Variants in DOCK3 observed in about 807,000 individuals in gnomAD.
DOCK3 encodes the protein dedicator of cytokinesis protein 3.
DOCK3 carries 60 observed loss-of-function variants against 265.6 expected under a neutral mutation model. That is an observed-to-expected ratio of 0.23 (90% CI 0.18 to 0.28). The LOEUF (loss-of-function observed/expected upper bound fraction) is 0.28, where lower values mean the gene tolerates loss of function less well. Ranked by LOEUF, DOCK3 falls within the 10% of genes least tolerant of loss-of-function variation. The pLI is 1.00. For missense variants in DOCK3, 1,981 were observed against 2,594.3 expected (o/e 0.76, Z 5.14); for synonymous variants, 881 against 938.0 (o/e 0.94, Z 1.11).
chr3:50,904,338 G>A (rs1052841336), intron 4 of DOCK3, among the ~76,000 whole-genome samples: 2 of 152,202 alleles, frequency 1.3e-5, no homozygotes, highest in East Asian at 1.9e-4. Flanking sequence ...GAATCGCTAC[G>A]CTGTCTTCCA....
intron 2 of DOCK3, among the ~76,000 whole-genome samples, chr3:50,797,029 C>T (rs1330364789): frequency 6.6e-6 from 1 of 152,052 alleles, no homozygotes; most frequent in African/African-American, 2.4e-5. Flanking sequence ...AATTGGAGTG[C>T]ATTTTGTAGT....
At chr3:50,938,704 G>A (rs1343250429) in intron 5 of DOCK3, among the ~76,000 whole-genome samples, 1 of 151,852 alleles carries the variant, frequency 6.6e-6, no homozygotes, top group Non-Finnish European at 1.5e-5. Flanking sequence ...ATATCAAAAT[G>A]AATTTAAATG....
At chr3:50,969,800 A>G (rs1332543701) in intron 5 of DOCK3, among the ~76,000 whole-genome samples, 1 of 152,186 alleles carries the variant, frequency 6.6e-6, no homozygotes, top group African/African-American at 2.4e-5. Context: ...AGCCGGGCAC[A>G]GTGGCTTACA....
At chr3:50,822,680 A>G (rs1055481632) in intron 2 of DOCK3, among the ~76,000 whole-genome samples, 4 of 151,448 alleles carry the variant, frequency 2.6e-5, no homozygotes, top group South Asian at 4.2e-4. Context: ...AATTTTTTTC[A>G]TAGAGTCTTG....
At chr3:51,144,911 C>T (rs2085228819) in intron 9 of DOCK3, among the ~76,000 whole-genome samples, 2 of 152,128 alleles carry the variant, frequency 1.3e-5, no homozygotes, top group Admixed American at 6.5e-5. Flanking sequence ...TTGTCTTCAC[C>T]ATGGCACAGT....
At chr3:51,312,183 C>G in intron 29 of DOCK3, 104 bp downstream of exon 29, 1 of 1,058,518 alleles carries the variant, frequency 9.4e-7, no homozygotes, top group Admixed American at 2.1e-5. Flanking sequence ...TAGTATCAAA[C>G]AGCTTCCAAG....
chr3:51,043,175 T>C (rs1433510321), intron 5 of DOCK3, among the ~76,000 whole-genome samples: 2 of 152,152 alleles, frequency 1.3e-5, no homozygotes, highest in African/African-American at 4.8e-5. Flanking sequence ...TCACACTACC[T>C]GACTCCAAAC....
intron 5 of DOCK3, among the ~76,000 whole-genome samples, chr3:51,039,475 C>T (rs534569174): frequency 2.0e-4 from 31 of 152,242 alleles, no homozygotes; most frequent in African/African-American, 6.7e-4. Flanking sequence ...TACCAAATCA[C>T]TCTCCAAATT....
intron 26 of DOCK3, among the ~76,000 whole-genome samples, chr3:51,278,872 G>A (rs2080964514): frequency 6.6e-6 from 1 of 152,088 alleles, no homozygotes; most frequent in Non-Finnish European, 1.5e-5. Flanking sequence ...TGACCCTCAT[G>A]ACGAATTACC....
At position 51,378,608 on chromosome 3, in the gene DOCK3, T is replaced by G. The variant is rs1396979839; in HGVS notation, c.5501-1517T>G. Reference sequence around the variant, plus strand: ...AGCCCAAAGGGGAGAGTTGCCTGGCTCCAACAGAGAAAGGACATATTTCTT... The same window carrying G: ...AGCCCAAAGGGGAGAGTTGCCTGGCGCCAACAGAGAAAGGACATATTTCTT... On this transcript the variant is annotated intron_variant, in intron 51 of 52. Transcript: ENST00000266037. Among the ~76,000 whole-genome samples, 3 of 152,198 alleles carry G rather than the reference T, an allele frequency of 2.0e-5. No homozygotes were observed. The East Asian group carries it at 5.8e-4, about 29-fold the overall frequency.
rs2079202677 is a variant in DOCK3 at position 51,251,160 on chromosome 3, G to T, written c.2184+4353G>T. ...TTGCGATAGTTTGCTCAGAATGATGGATTCCAGCTTCATCCATATCCCTAC... is the reference window on the plus strand; with the variant it reads ...TTGCGATAGTTTGCTCAGAATGATGTATTCCAGCTTCATCCATATCCCTAC... On this transcript the variant is annotated intron_variant, in intron 22 of 52. Transcript: ENST00000266037. Among the ~76,000 whole-genome samples the T allele has an allele frequency of 2.6e-5, 4 of 152,138 alleles. No individual in the cohort carries two copies. The South Asian group carries it at 8.3e-4, about 32-fold the overall frequency.
At chr3:50,858,861 T>G (rs1368231442) in intron 3 of DOCK3, among the ~76,000 whole-genome samples, 1 of 152,148 alleles carries the variant, frequency 6.6e-6, no homozygotes, top group Non-Finnish European at 1.5e-5. Flanking sequence ...CTTTTTATTC[T>G]ATTTTTCTTT....
intron 12 of DOCK3, among the ~76,000 whole-genome samples, chr3:51,183,102 G>A (rs1332416175): frequency 6.6e-6 from 1 of 152,114 alleles, no homozygotes; most frequent in East Asian, 1.9e-4. Flanking sequence ...CTTCCTGTGT[G>A]GCCCTTTGTA....
chr3:50,890,120 A>G (rs2048570885), intron 4 of DOCK3, 39 bp downstream of exon 4: 3 of 1,382,168 alleles, frequency 2.2e-6, no homozygotes, highest in Non-Finnish European at 2.8e-6. Context: ...TACAATTTTT[A>G]TAGGCTACAG....
chr3:51,073,542 T>G (rs1008568348), intron 6 of DOCK3, among the ~76,000 whole-genome samples: 12 of 152,232 alleles, frequency 7.9e-5, no homozygotes, highest in African/African-American at 2.7e-4. Context: ...TTTCATAGAT[T>G]TAAATGCATT....
At chr3:51,041,996 A>G (rs1046665300) in intron 5 of DOCK3, among the ~76,000 whole-genome samples, 1 of 152,174 alleles carries the variant, frequency 6.6e-6, no homozygotes, top group Non-Finnish European at 1.5e-5. Flanking sequence ...GAATTCTACC[A>G]TATATACAAA....
chr3:50,826,991 C>T lies in DOCK3; in HGVS notation c.122-14684C>T, dbSNP rs144866201. Among the ~76,000 whole-genome samples the T allele has an allele frequency of 3.0e-3, 449 of 152,202 alleles. 7 individuals are homozygous for T. Among genetic ancestry groups the T allele is most frequent in the East Asian group, 0.016 (83 of 5,182 alleles). On this transcript the variant is annotated intron_variant, in intron 2 of 52. Coordinates refer to ENST00000266037, the MANE Select transcript of DOCK3 (RefSeq NM_004947.5). Reference sequence around the variant, plus strand: ...GAAAATTTTCCAGAATGTAAGGAGACGGGCTTCCAGATTGAAAGGGCCCAG... The same window carrying T: ...GAAAATTTTCCAGAATGTAAGGAGATGGGCTTCCAGATTGAAAGGGCCCAG...
chr3:51,363,316 G>A (rs1262070601), intron 49 of DOCK3, among the ~76,000 whole-genome samples: 1 of 152,216 alleles, frequency 6.6e-6, no homozygotes. Context: ...CAGTGGAATG[G>A]AAATTAGCTG....
At chr3:50,872,684 A>G (rs974795640) in intron 3 of DOCK3, among the ~76,000 whole-genome samples, 2 of 152,204 alleles carry the variant, frequency 1.3e-5, no homozygotes, top group African/African-American at 4.8e-5. Context: ...GCCAGGGACT[A>G]GAGTCAAAAA....
Sources: allele counts gnomAD v4.1 joint callset (sites outside exome capture counted in the v4.1 genomes callset), GRCh38; gene constraint gnomAD v4.1.1; transcripts MANE v1.5; gene names NCBI Gene and HGNC (gene_info 2026-07-23, HGNC 2026-07-21).